Variants in NSMAF observed in about 807,000 individuals in gnomAD.
NSMAF encodes the protein protein FAN.
NSMAF carries 90 observed loss-of-function variants against 134.9 expected under a neutral mutation model. The ratio of observed to expected loss-of-function variants is 0.67; its 90% confidence interval spans 0.56 to 0.79. The LOEUF (loss-of-function observed/expected upper bound fraction) is 0.79, where lower values mean the gene tolerates loss of function less well. Among genes scored for constraint, NSMAF ranks in the 30% least tolerant of loss-of-function variants. The pLI is 0.00. For missense variants in NSMAF, 1,010 were observed against 1,119.0 expected (o/e 0.90, Z 1.39); for synonymous variants, 358 against 389.6 (o/e 0.92, Z 0.96).
chr8:58,645,839 G>A (rs909700402), intron 1 of NSMAF, among the ~76,000 whole-genome samples: 3 of 152,236 alleles, frequency 2.0e-5, no homozygotes, highest in East Asian at 1.9e-4. Context: ...TCAGGAGTTC[G>A]AGACCAGCCT....
intron 26 of NSMAF, chr8:58,588,334 CTT>C (rs60214509): frequency 7.9e-3 from 5,117 of 646,998 alleles, no homozygotes; most frequent in East Asian, 0.025. Flanking sequence ...TTGACATTTT[CTT>C]TTTTTTTTTT....
intron 26 of NSMAF, chr8:58,588,458 G>T (rs188531830): frequency 2.8e-5 from 34 of 1,230,150 alleles, no homozygotes; most frequent in Middle Eastern, 5.3e-4. Flanking sequence ...GCACCCGCAG[G>T]TCTAAATTGG....
intron 1 of NSMAF, among the ~76,000 whole-genome samples, chr8:58,655,592 T>G (rs1438001568): frequency 6.6e-6 from 1 of 152,094 alleles, no homozygotes; most frequent in African/African-American, 2.4e-5. Context: ...TAACCCAATG[T>G]ATACACCTGC....
intron 11 of NSMAF, among the ~76,000 whole-genome samples, 176 bp downstream of exon 11, chr8:58,607,593 T>C (rs1031977623): frequency 6.6e-6 from 1 of 152,252 alleles, no homozygotes; most frequent in Non-Finnish European, 1.5e-5. Flanking sequence ...GAAAGAGTTA[T>C]TCCTTTATGA....
At chr8:58,652,549 G>A (rs2129148672) in intron 1 of NSMAF, among the ~76,000 whole-genome samples, 1 of 152,264 alleles carries the variant, frequency 6.6e-6, no homozygotes, top group Non-Finnish European at 1.5e-5. Context: ...ATCACAGTAT[G>A]GTCCTACTGT....
intron 2 of NSMAF, among the ~76,000 whole-genome samples, chr8:58,642,696 G>A (rs945217440): frequency 4.6e-5 from 7 of 151,956 alleles, no homozygotes; most frequent in African/African-American, 1.7e-4. Flanking sequence ...TTTGAAAAAG[G>A]TTTCAAGTTA....
intron 18 of NSMAF, 163 bp from the exon 19 acceptor site, chr8:58,599,526 A>G (rs1806225124): frequency 3.1e-6 from 3 of 958,306 alleles, no homozygotes; most frequent in East Asian, 5.4e-5. Flanking sequence ...TTTTTTGGGG[A>G]AAAAAGTGGC....
At chr8:58,636,996 G>A (rs1009512788) in intron 2 of NSMAF, among the ~76,000 whole-genome samples, 3 of 150,314 alleles carry the variant, frequency 2.0e-5, no homozygotes, top group Admixed American at 6.6e-5. Context: ...CCTATCCTTC[G>A]AGGATAACTG....
At chr8:58,632,799 C>T (rs2129145907) in intron 5 of NSMAF, among the ~76,000 whole-genome samples, 1 of 152,258 alleles carries the variant, frequency 6.6e-6, no homozygotes, top group Non-Finnish European at 1.5e-5. Context: ...GTTCTCATGG[C>T]CATCTTAAAT....
Position 58,607,905 on chromosome 8 carries a change from T to C in NSMAF, c.688-65A>G, listed in dbSNP as rs1287345948. The C allele has an allele frequency of 6.8e-6, 9 of 1,317,096 alleles. No homozygotes were observed. The East Asian group carries it at 1.8e-4, about 27-fold the overall frequency. 81.6% of individuals were successfully genotyped at this position (1,317,096 alleles called of 1,614,324 possible). On this transcript the variant is annotated intron_variant, in intron 10 of 30. Coordinates refer to ENST00000038176, the MANE Select transcript of NSMAF (RefSeq NM_003580.4). ...GACACAATTAGAAGTTGTTCTATAGTATCAGAAAGGGGAAAAAAAAATCAC... is the reference window on the plus strand; with the variant it reads ...GACACAATTAGAAGTTGTTCTATAGCATCAGAAAGGGGAAAAAAAAATCAC...
intron 9 of NSMAF, among the ~76,000 whole-genome samples, chr8:58,611,376 A>C (rs1342525080): frequency 6.6e-6 from 1 of 152,134 alleles, no homozygotes; most frequent in Non-Finnish European, 1.5e-5. Flanking sequence ...TACCATCTCT[A>C]CAAAAAATAA....
chr8:58,622,409 T>C (rs1324036496), intron 9 of NSMAF, among the ~76,000 whole-genome samples: 1 of 151,800 alleles, frequency 6.6e-6, no homozygotes. Flanking sequence ...ATTTTTTTTT[T>C]TTTAGATGGA....
chr8:58,659,774 G>T lies in NSMAF; in HGVS notation c.-143C>A. 1 of 528,232 alleles carries T rather than the reference G, an allele frequency of 1.9e-6. No homozygotes were observed. The highest frequency in any genetic ancestry group is 2.8e-6 in the Non-Finnish European group (1 of 361,308). The allele number at this position is 528,232 out of a possible 1,614,324, so 32.7% of individuals were successfully genotyped here. A position where few individuals can be genotyped will look rare whatever the true frequency, so the allele number is the denominator to read the frequency against. ...CCGGCCTGGCTTCCCCTGCGGCGCC[G>T]CTGGGCGGCCGAGAGCCCGACGCGG... On this transcript the variant is annotated 5_prime_UTR_variant, in exon 1 of 31. Transcript: ENST00000038176.
intron 18 of NSMAF, 24 bp from the exon 19 acceptor site, chr8:58,599,387 A>T: frequency 6.2e-7 from 1 of 1,610,542 alleles, no homozygotes; most frequent in South Asian, 1.1e-5. Context: ...CTCAATCGAA[A>T]AATCATGGAG....
chr8:58,639,266 AGAGT>A (rs1807274495), intron 2 of NSMAF, among the ~76,000 whole-genome samples: 1 of 151,238 alleles, frequency 6.6e-6, no homozygotes, highest in African/African-American at 2.4e-5. Context: ...CCTAGGTGAC[AGAGT>A]GAGACTCCGT....
chr8:58,607,373 A>C (rs752868653), intron 11 of NSMAF, among the ~76,000 whole-genome samples: 1 of 152,372 alleles, frequency 6.6e-6, no homozygotes, highest in Non-Finnish European at 1.5e-5. Context: ...AGTTCCACTA[A>C]AGAAGTAATT....
At chr8:58,622,746 C>G (rs1806817660) in intron 9 of NSMAF, among the ~76,000 whole-genome samples, 1 of 152,074 alleles carries the variant, frequency 6.6e-6, no homozygotes. Flanking sequence ...GTTGCCCAGG[C>G]TGGTCTCAAA....
intron 2 of NSMAF, among the ~76,000 whole-genome samples, chr8:58,642,598 G>C (rs1329762146): frequency 2.0e-5 from 3 of 152,118 alleles, no homozygotes; most frequent in African/African-American, 7.2e-5. Flanking sequence ...CTACAAGAGG[G>C]ATGCAACAAA....
chr8:58,612,632 C>T (rs930398576), intron 9 of NSMAF, among the ~76,000 whole-genome samples: 4 of 152,056 alleles, frequency 2.6e-5, no homozygotes, highest in Non-Finnish European at 5.9e-5. Context: ...TGATTGGCAT[C>T]GGAGGTGAGG....
Sources: allele counts gnomAD v4.1 joint callset (sites outside exome capture counted in the v4.1 genomes callset), GRCh38; gene constraint gnomAD v4.1.1; transcripts MANE v1.5; gene names NCBI Gene and HGNC (gene_info 2026-07-23, HGNC 2026-07-21).